The following TCF7 variants were observed in gnomAD, a reference collection of about 807,000 sequenced individuals.
TCF7 encodes the protein transcription factor 7.
TCF7 carries 19 observed loss-of-function variants against 46.8 expected under a neutral mutation model. The ratio of observed to expected loss-of-function variants is 0.41; its 90% CI spans 0.28 to 0.60. The LOEUF is 0.60. Ranked by LOEUF, TCF7 falls within the 20% of genes least tolerant of loss-of-function variation. The pLI, the probability that TCF7 is intolerant of heterozygous loss-of-function variation, is 0.35. For missense variants in TCF7, 547 were observed against 504.6 expected (o/e 1.08, Z -0.81); for synonymous variants, 245 against 213.4 (o/e 1.15, Z -1.29).
chr5:134,145,550 A>G, intron 9 of TCF7: 1 of 629,604 alleles, frequency 1.6e-6, no homozygotes, highest in Non-Finnish European at 2.8e-6. Context: ...TGGCAGGGCT[A>G]AGATAGAGGG....
chr5:134,108,791 C>T, the TCF7 span, among the ~76,000 whole-genome samples: 1 of 152,106 alleles, frequency 6.6e-6, no homozygotes, highest in Admixed American at 6.5e-5. Flanking sequence ...GCCAAACTCT[C>T]CCCCAGGGCC....
In TCF7 at chr5:134,115,694, G is replaced by C. The variant is rs1350249963; in HGVS notation, c.317-215G>C. 8 of 1,430,184 alleles carry C rather than the reference G, an allele frequency of 5.6e-6. No homozygotes were observed. In the East Asian group the frequency reaches 7.6e-5, roughly 14 times the overall value. 88.6% of individuals were successfully genotyped at this position (1,430,184 alleles called of 1,614,324 possible). On this transcript the variant is annotated intron_variant, in intron 2 of 9. Transcript: ENST00000342854. ...GCCAAGGTTTCTTGGTTGGAGGGCGGGGGGTGGGAGGTCAAGTAGGGGCCA... is the reference window on the plus strand; with the variant it reads ...GCCAAGGTTTCTTGGTTGGAGGGCGCGGGGTGGGAGGTCAAGTAGGGGCCA...
intron 3 of TCF7, among the ~76,000 whole-genome samples, chr5:134,124,731 C>G (rs909229570): frequency 7.9e-5 from 12 of 152,110 alleles, no homozygotes; most frequent in Non-Finnish European, 1.6e-4. Context: ...CTGTCTGGGC[C>G]CCACACCATG....
chr5:134,144,827 G>A (rs771118210), intron 9 of TCF7: 48 of 1,614,094 alleles, frequency 3.0e-5, no homozygotes, highest in Non-Finnish European at 3.2e-5. Context: ...TGCCGTGCTC[G>A]CTTTGGCCTC....
intron 9 of TCF7, 155 bp downstream of exon 9, chr5:134,143,795 T>G: frequency 1.3e-6 from 1 of 773,238 alleles, no homozygotes; most frequent in Non-Finnish European, 2.1e-6. Flanking sequence ...ACAAGTCAAA[T>G]TCCCATGCAA....
chr5:134,125,794 G>C (rs1430543409), intron 3 of TCF7, among the ~76,000 whole-genome samples: 2 of 152,246 alleles, frequency 1.3e-5, no homozygotes, highest in Non-Finnish European at 2.9e-5. Flanking sequence ...GAGTAGGGCA[G>C]GGCCTGCCCG....
Position 134,146,211 on chromosome 5 carries a change from T to C in TCF7, c.1076-13T>C, listed in dbSNP as rs1760681010. The C allele has an allele frequency of 6.2e-7, 1 of 1,614,136 alleles. No homozygotes were observed. Among genetic ancestry groups the C allele is most frequent in the South Asian group, 1.1e-5 (1 of 91,084 alleles). On this transcript the variant is annotated splice_polypyrimidine_tract_variant and intron_variant, in intron 9 of 9. Transcript: ENST00000342854. ...ACCCTCTGTTTACAGATAACTCTCT[T>C]CACTATTCCTAGGAGGAAAAAGAAA...
intron 1 of TCF7, 54 bp downstream of exon 1, chr5:134,115,209 C>G: frequency 8.6e-7 from 1 of 1,162,620 alleles, no homozygotes; most frequent in Non-Finnish European, 1.1e-6. Flanking sequence ...CCGCGCCGCC[C>G]CAGTTGCGCG....
At chr5:134,142,133 A>G (rs370058427) in intron 5 of TCF7, 52 bp from the exon 6 acceptor site, 8 of 1,612,216 alleles carry the variant, frequency 5.0e-6, no homozygotes, top group South Asian at 1.1e-5. Flanking sequence ...TGTGTGTCCA[A>G]AGGTCTGGCC....
intron 8 of TCF7, 198 bp from the exon 9 acceptor site, chr5:134,143,394 C>T (rs1335401011): frequency 1.2e-6 from 1 of 800,786 alleles, no homozygotes; most frequent in South Asian, 1.3e-5. Context: ...AACTGGAGAC[C>T]AGATTGGGGT....
intron 3 of TCF7, among the ~76,000 whole-genome samples, chr5:134,132,534 G>T (rs1228792582): frequency 2.6e-5 from 4 of 152,242 alleles, no homozygotes; most frequent in African/African-American, 9.6e-5. Flanking sequence ...GAGGCCAGAG[G>T]AAACAGCAAC....
At chr5:134,116,844 C>T (rs244692) in intron 3 of TCF7, among the ~76,000 whole-genome samples, 139,593 of 152,340 alleles carry the variant, frequency 0.92, 63,984 homozygotes, top group Admixed American at 0.94. Context: ...TTCACACTCT[C>T]CTCAGTTGGT....
intron 9 of TCF7, chr5:134,145,918 CGGG>C (rs1224892322): frequency 5.5e-5 from 84 of 1,519,724 alleles, no homozygotes; most frequent in Non-Finnish European, 6.9e-5. Context: ...GCTCAAAGGC[CGGG>C]ACTGGGAGAT....
chr5:134,132,960 G>A (rs894481652), intron 3 of TCF7, among the ~76,000 whole-genome samples: 2 of 152,242 alleles, frequency 1.3e-5, no homozygotes, highest in African/African-American at 2.4e-5. Flanking sequence ...GAAGGGCGAG[G>A]AGCCCCTGTG....
rs1219217421 is a variant in TCF7 at position 134,146,948 on chromosome 5, TCAAA to T, written c.*649_*652del. The stretch of plus-strand genomic sequence containing the variant: ...CATGGACCAAGAATGAGCTGGTTTG[TCAAA>T]CAACATGTGAGCATGGTCACAAGCA... On this transcript the variant is annotated 3_prime_UTR_variant, in exon 10 of 10. Coordinates refer to ENST00000342854, the MANE Select transcript of TCF7 (RefSeq NM_003202.5). 11 of 194,196 alleles carry T rather than the reference TCAAA, an allele frequency of 5.7e-5. No individual in the cohort carries two copies. The highest frequency in any genetic ancestry group is 3.1e-4 in the Admixed American group (5 of 16,302). 12.0% of individuals were successfully genotyped at this position (194,196 alleles called of 1,614,324 possible).
intron 3 of TCF7, among the ~76,000 whole-genome samples, chr5:134,124,823 T>C (rs1053538056): frequency 4.6e-5 from 7 of 152,126 alleles, no homozygotes; most frequent in African/African-American, 1.7e-4. Flanking sequence ...GGGTGTGGAC[T>C]TTGGGGGTTT....
At position 134,115,060 on chromosome 5, in the gene TCF7, A is replaced by G; in HGVS notation, c.154A>G (p.Lys52Glu). The change falls in exon 1 of 10, where the codon AAG becomes GAG. Residue 52 changes from lysine (K) to glutamate (E), a missense_variant. Physicochemically the swap from Lys to Glu is moderately conservative, Grantham distance 56. Around this residue, in one of 3 missense-constraint regions of TCF7, gnomAD observed 425 missense variants for 349.9 expected, o/e 1.21. Coordinates refer to ENST00000342854, the MANE Select transcript of TCF7 (RefSeq NM_003202.5). ...TCCCGAGCGCGACCTGGCCGAGCTC[A>G]AGTCGTCGCTCGTGAACGAGTCCGA... is the stretch of plus-strand genomic sequence containing the variant. Reference protein sequence around the residue: ...AGPERDLAELKSSLVNESEGA... With the variant: ...AGPERDLAELESSLVNESEGA... The G allele has an allele frequency of 8.3e-7, 1 of 1,208,482 alleles. No homozygotes were observed. The highest frequency in any genetic ancestry group is 1.1e-6 in the Non-Finnish European group (1 of 948,208). The allele number at this position is 1,208,482 out of a possible 1,614,324, so 74.9% of individuals were successfully genotyped here.
chr5:134,108,605 T>A, the TCF7 span, among the ~76,000 whole-genome samples: 3 of 152,096 alleles, frequency 2.0e-5, no homozygotes, highest in African/African-American at 4.8e-5. Context: ...TGAAGCCCCA[T>A]GCAAGGCAGT....
intron 3 of TCF7, among the ~76,000 whole-genome samples, chr5:134,137,253 A>G (rs1758997795): frequency 1.3e-5 from 2 of 152,058 alleles, no homozygotes; most frequent in Non-Finnish European, 2.9e-5. Context: ...GCGAAACCCC[A>G]TCTCTACTAA....
Sources: allele counts gnomAD v4.1 joint callset (sites outside exome capture counted in the v4.1 genomes callset), GRCh38; gene constraint gnomAD v4.1.1; regional missense constraint gnomAD v4.1.1; transcripts MANE v1.5; gene names NCBI Gene and HGNC (gene_info 2026-07-23, HGNC 2026-07-21).